ATRNL1: variants seen among roughly 807,000 people sequenced by gnomAD.
The protein encoded by ATRNL1 is attractin-like protein 1.
Under a neutral mutation model 182.7 loss-of-function variants are expected in ATRNL1, and 95 were observed. That is an observed-to-expected ratio of 0.52 (90% CI 0.44 to 0.62). The LOEUF is 0.62. ATRNL1 is among the 20% of genes least tolerant of loss of function. The pLI is 0.00. For synonymous variants in ATRNL1, 576 were observed against 568.3 expected (o/e 1.01, Z -0.19); for missense variants, 1,471 against 1,679.5 (o/e 0.88, Z 2.17).
At chr10:115,917,444 T>C (rs1416608299) in intron 28 of ATRNL1, among the ~76,000 whole-genome samples, 2 of 114,432 alleles carry the variant, frequency 1.7e-5, no homozygotes, top group East Asian at 5.9e-4. Flanking sequence ...CACTCCAGCC[T>C]GGGCAACAGA....
intron 24 of ATRNL1, among the ~76,000 whole-genome samples, chr10:115,486,397 C>T (rs1002769519): frequency 2.0e-5 from 3 of 152,184 alleles, no homozygotes; most frequent in Non-Finnish European, 2.9e-5. Flanking sequence ...TCCACATCCT[C>T]TCCAGCATCT....
chr10:115,722,034 T>C (rs1387671395), intron 26 of ATRNL1, among the ~76,000 whole-genome samples: 2 of 152,160 alleles, frequency 1.3e-5, no homozygotes, highest in African/African-American at 4.8e-5. Flanking sequence ...CTCGCATTAT[T>C]AAAGGCCTTC....
At chr10:115,186,549 C>A (rs1398498873) in intron 8 of ATRNL1, among the ~76,000 whole-genome samples, 2 of 152,066 alleles carry the variant, frequency 1.3e-5, no homozygotes, top group African/African-American at 2.4e-5. Flanking sequence ...GCAACCCTGT[C>A]ATTTGCACCA....
intron 26 of ATRNL1, among the ~76,000 whole-genome samples, chr10:115,645,207 A>C (rs909132170): frequency 6.6e-6 from 1 of 151,992 alleles, no homozygotes; most frequent in Non-Finnish European, 1.5e-5. Flanking sequence ...TGTCCAGTTC[A>C]TTCACTTACA....
rs1231325402 is a variant in ATRNL1, at chr10:115,867,278, C to T, written c.4018+19287C>T. Among the ~76,000 whole-genome samples the T allele has an allele frequency of 6.6e-5, 10 of 151,994 alleles. No homozygotes were observed. The East Asian group carries it at 1.9e-3, about 29-fold the overall frequency. ...ATTTTTTGGATTTCTTTTTTTAGAG[C>T]AATAGAATTCCATGCTGTCACTTGT... is the stretch of plus-strand genomic sequence containing the variant. On this transcript the variant is annotated intron_variant, in intron 28 of 28. Coordinates refer to ENST00000355044, the MANE Select transcript of ATRNL1 (RefSeq NM_207303.4).
intron 8 of ATRNL1, among the ~76,000 whole-genome samples, chr10:115,191,012 C>A (rs190433710): frequency 6.6e-6 from 1 of 152,122 alleles, no homozygotes; most frequent in Non-Finnish European, 1.5e-5. Context: ...TAACATTGCC[C>A]TTCAGTTTCA....
At chr10:115,464,783 G>A (rs1215547974) in intron 22 of ATRNL1, among the ~76,000 whole-genome samples, 1 of 151,722 alleles carries the variant, frequency 6.6e-6, no homozygotes, top group Non-Finnish European at 1.5e-5. Context: ...AGGGTACGCT[G>A]ATTTCACCAT....
chr10:115,181,983 T>G (rs1477610654), intron 8 of ATRNL1, among the ~76,000 whole-genome samples: 1 of 151,668 alleles, frequency 6.6e-6, no homozygotes, highest in African/African-American at 2.4e-5. Flanking sequence ...TAAACTCTGG[T>G]GAGTTTACAC....
chr10:115,313,145 T>G (rs1459701059), intron 17 of ATRNL1, among the ~76,000 whole-genome samples: 1 of 151,052 alleles, frequency 6.6e-6, no homozygotes, highest in Non-Finnish European at 1.5e-5. Flanking sequence ...GGATTTCATC[T>G]TGGTTTGGAT....
chr10:115,470,282 C>T (rs1848244388), intron 24 of ATRNL1, among the ~76,000 whole-genome samples: 1 of 150,192 alleles, frequency 6.7e-6, no homozygotes, highest in Non-Finnish European at 1.5e-5. Flanking sequence ...GGAAATTATT[C>T]AACTGTTCAG....
chr10:115,159,031 T>C (rs1385845953), intron 5 of ATRNL1, among the ~76,000 whole-genome samples: 1 of 151,834 alleles, frequency 6.6e-6, no homozygotes, highest in Non-Finnish European at 1.5e-5. Flanking sequence ...GTCAAAATAA[T>C]GTAGGTGTGC....
chr10:115,419,403 A>T (rs1341733740), intron 20 of ATRNL1, among the ~76,000 whole-genome samples: 1 of 152,224 alleles, frequency 6.6e-6, no homozygotes, highest in Non-Finnish European at 1.5e-5. Flanking sequence ...AAGAAGTTAC[A>T]CAATCGTGAT....
chr10:115,491,134 G>A (rs1409993216), intron 24 of ATRNL1, among the ~76,000 whole-genome samples: 1 of 152,138 alleles, frequency 6.6e-6, no homozygotes, highest in Non-Finnish European at 1.5e-5. Context: ...CCTGCCAAAT[G>A]CCAGCCAGAG....
At chr10:115,865,910 C>G (rs1490356920) in intron 28 of ATRNL1, among the ~76,000 whole-genome samples, 2 of 152,030 alleles carry the variant, frequency 1.3e-5, no homozygotes, top group African/African-American at 2.4e-5. Context: ...ACAAAATGTT[C>G]ATGTTTATTT....
At chr10:115,911,700 G>A (rs782497140) in intron 28 of ATRNL1, among the ~76,000 whole-genome samples, 9 of 152,160 alleles carry the variant, frequency 5.9e-5, no homozygotes, top group Non-Finnish European at 1.2e-4. Context: ...GCCGGTGGGC[G>A]TGGCAGTCAG....
intron 27 of ATRNL1, among the ~76,000 whole-genome samples, chr10:115,834,749 C>T (rs939466525): frequency 2.0e-4 from 30 of 152,136 alleles, no homozygotes; most frequent in African/African-American, 7.2e-4. Context: ...TACTACCTTC[C>T]ACCATGTGTT....
chr10:115,716,987 G>A (rs1017375246), intron 26 of ATRNL1, among the ~76,000 whole-genome samples: 1 of 152,090 alleles, frequency 6.6e-6, no homozygotes, highest in African/African-American at 2.4e-5. Context: ...TTTGCTCTTT[G>A]AGGAGTAATA....
intron 27 of ATRNL1, among the ~76,000 whole-genome samples, chr10:115,844,672 G>A (rs1950888559): frequency 6.6e-6 from 1 of 151,974 alleles, no homozygotes; most frequent in Non-Finnish European, 1.5e-5. Flanking sequence ...AATACACAGG[G>A]ACTGCTAATT....
chr10:115,149,566 A>G (rs1554880126), intron 5 of ATRNL1, among the ~76,000 whole-genome samples: 1 of 152,098 alleles, frequency 6.6e-6, no homozygotes, highest in Non-Finnish European at 1.5e-5. Context: ...GAACTTTATC[A>G]AATGCTTTTT....
Sources: allele counts gnomAD v4.1 joint callset (sites outside exome capture counted in the v4.1 genomes callset), GRCh38; gene constraint gnomAD v4.1.1; transcripts MANE v1.5; gene names NCBI Gene and HGNC (gene_info 2026-07-23, HGNC 2026-07-21).